Variants in P2RX7 observed in about 807,000 individuals in gnomAD.
P2RX7 encodes purinergic receptor P2X 7, also known as P2X purinoceptor 7.
Under a neutral mutation model 71.6 loss-of-function variants are expected in P2RX7, and 62 were observed. The observed-to-expected ratio is 0.87, with a 90% CI of 0.71 to 1.07. P2RX7 has a LOEUF of 1.07. Among genes scored for constraint, P2RX7 ranks in the 50% least tolerant of loss-of-function variants. The probability of loss-of-function intolerance (pLI) is 0.00; values close to 1 mark genes in which losing one functional copy is unlikely to be tolerated. For missense variants in P2RX7, 686 were observed against 748.5 expected, an observed-to-expected ratio of 0.92 and a Z score of 0.97; for synonymous variants, 299 against 283.3, an observed-to-expected ratio of 1.06 and a Z score of -0.56.
chr12:121,162,507 G>T lies in P2RX7; in HGVS notation c.520G>T (p.Glu174Ter). 6.2e-7 allele frequency: 1 copy of T among 1,613,170 alleles called. No individual in the cohort carries two copies. The highest frequency in any genetic ancestry group is 8.5e-7 in the Non-Finnish European group (1 of 1,180,006). Residue 174 changes from glutamate (E) to a stop codon, truncating the protein, a stop_gained, in exon 5 of 13, where the codon GAA becomes TAA. Coordinates refer to ENST00000328963, the MANE Select transcript of P2RX7 (RefSeq NM_002562.6). LOFTEE classifies it high-confidence loss of function. ...VSAWCPIEAVEEAPRPALLNS... is the reference protein window; with the variant it reads ...VSAWCPIEAV ...TGCCTGGTGCCCCATCGAGGCAGTG[G>T]AAGAGGCCCCCCGGTGAGTCGCATG...
At position 121,132,995 on chromosome 12, in the gene P2RX7, G is replaced by A. The variant is rs1461010590; in HGVS notation, c.25G>A (p.Asp9Asn). The change falls in exon 1 of 13, where the codon GAT becomes AAT. Residue 9 changes from aspartate to asparagine, a missense_variant. Physicochemically the swap from Asp to Asn is conservative, Grantham distance 23 (BLOSUM62 1). Transcript: ENST00000328963. MPACCSCS[D>N]VFQYETNKVT... ...CATGCCGGCCTGCTGCAGCTGCAGT[G>A]ATGTTTTCCAGTATGAGACGAACAA... 19 of 1,613,882 alleles carry A rather than the reference G, an allele frequency of 1.2e-5. No individual in the cohort carries two copies. Among genetic ancestry groups the A allele is most frequent in the Non-Finnish European group, 1.6e-5 (19 of 1,179,996 alleles).
In P2RX7 at chr12:121,186,657, G is replaced by A. The variant is rs1884922181; in HGVS notation, c.*1855G>A. 1 of 152,164 alleles carries A rather than the reference G, an allele frequency of 6.6e-6. No individual in the cohort carries two copies. The highest frequency in any genetic ancestry group is 6.6e-5 in the Admixed American group (1 of 15,252). 9.4% of individuals were successfully genotyped at this position (152,164 alleles called of 1,614,324 possible). On this transcript the variant is annotated 3_prime_UTR_variant, in exon 13 of 13. Coordinates refer to ENST00000328963, the MANE Select transcript of P2RX7 (RefSeq NM_002562.6). ...GGCTGAGGCGGGTGGATCACCTGAGGTCAGGAGTTCGAGACCAGCCTGGCC... is the reference window on the plus strand; with the variant it reads ...GGCTGAGGCGGGTGGATCACCTGAGATCAGGAGTTCGAGACCAGCCTGGCC...
chr12:121,163,712 C>T (rs1880397939), intron 5 of P2RX7, among the ~76,000 whole-genome samples: 1 of 152,170 alleles, frequency 6.6e-6, no homozygotes, highest in South Asian at 2.1e-4. Flanking sequence ...CCTGCCTTGG[C>T]CTCCCAAAGT....
intron 8 of P2RX7, among the ~76,000 whole-genome samples, chr12:121,174,742 G>GTT (rs746356489): frequency 7.5e-5 from 11 of 146,848 alleles, no homozygotes; most frequent in African/African-American, 2.7e-4. Context: ...ATTGCTTGAA[G>GTT]TTTTTTTTTT....
At chr12:121,173,677 G>A (rs1882588559) in intron 8 of P2RX7, among the ~76,000 whole-genome samples, 1 of 152,204 alleles carries the variant, frequency 6.6e-6, no homozygotes, top group East Asian at 1.9e-4. Flanking sequence ...CAGGACTAGG[G>A]AAACAGCTTA....
At chr12:121,172,023 G>A (rs796534878) in intron 8 of P2RX7, among the ~76,000 whole-genome samples, 59 of 151,982 alleles carry the variant, frequency 3.9e-4, no homozygotes, top group African/African-American at 1.2e-3. Flanking sequence ...CACCACACCC[G>A]GCTAATTTTT....
chr12:121,171,635 T>C (rs904873289), intron 8 of P2RX7, among the ~76,000 whole-genome samples: 5 of 151,952 alleles, frequency 3.3e-5, no homozygotes, highest in African/African-American at 1.2e-4. Flanking sequence ...CTTGAACATA[T>C]CTTATTTGGG....
rs991516796 is a variant in P2RX7 at position 121,154,600 on chromosome 12, C to T, written c.126-185C>T. Among the ~76,000 whole-genome samples the T allele has an allele frequency of 1.1e-4, 16 of 152,176 alleles. No homozygotes were observed. Among genetic ancestry groups the T allele is most frequent in the Admixed American group, 1.3e-4 (2 of 15,272 alleles). The stretch of plus-strand genomic sequence containing the variant: ...AGTCTGCAGACGTCTCTCATTTCAT[C>T]CTCACAATCCATGAGGCAGGTATGA... On this transcript the variant is annotated intron_variant, in intron 1 of 12. Transcript: ENST00000328963. The surrounding 1 kb of genome is among the most constrained non-coding windows in gnomAD (Gnocchi z 4.2).
Position 121,154,939 on chromosome 12 carries a change from A to T in P2RX7, c.280A>T (p.Thr94Ser). Residue 94 changes from threonine to serine, a missense_variant, in exon 2 of 13, where the codon ACC becomes TCC. By Grantham distance (58) the Thr-to-Ser change is moderately conservative. Coordinates refer to ENST00000328963, the MANE Select transcript of P2RX7 (RefSeq NM_002562.6). This position sits in a 1 kb window ranked among gnomAD's most constrained non-coding sequence, Gnocchi z 4.2. ...CAGTGTCTTTGACACCGCAGACTAC[A>T]CCTTCCCTTTGCAGGTGAGCACCTC... ...VHSVFDTADYTFPLQGNSFFV... is the reference protein window; with the variant it reads ...VHSVFDTADYSFPLQGNSFFV... 2 of 1,614,110 alleles carry T rather than the reference A, an allele frequency of 1.2e-6. No homozygotes were observed. The highest frequency in any genetic ancestry group is 3.3e-5 in the Admixed American group (2 of 60,018).
At chr12:121,176,270 C>CACACACACACACACA (rs1883104311) in intron 9 of P2RX7, among the ~76,000 whole-genome samples, 2 of 142,008 alleles carry the variant, frequency 1.4e-5, no homozygotes, top group South Asian at 2.3e-4. Flanking sequence ...CACACACACA[C>CACACACACACACACA]TACATGGACT....
chr12:121,170,232 T>C (rs1481715300), intron 8 of P2RX7, among the ~76,000 whole-genome samples: 2 of 152,164 alleles, frequency 1.3e-5, no homozygotes, highest in Non-Finnish European at 2.9e-5. Flanking sequence ...ACAGGATGAA[T>C]GGTCCCCTGA....
In P2RX7 at chr12:121,177,292, C is replaced by T; in HGVS notation, c.1039-5C>T. 6.2e-7 allele frequency: 1 copy of T among 1,614,068 alleles called. No individual in the cohort carries two copies. Among genetic ancestry groups the T allele is most frequent in the Non-Finnish European group, 8.5e-7 (1 of 1,180,016 alleles). Reference sequence around the variant, plus strand: ...TAACGCAGCGCTTGTCTGCATTCTCCCCAGGCCGCTGTGTTCATCGACTTC... The same window carrying T: ...TAACGCAGCGCTTGTCTGCATTCTCTCCAGGCCGCTGTGTTCATCGACTTC... On this transcript the variant is annotated splice_polypyrimidine_tract_variant and splice_region_variant and intron_variant, in intron 10 of 12. Coordinates refer to ENST00000328963, the MANE Select transcript of P2RX7 (RefSeq NM_002562.6).
chr12:121,163,944 G>T (rs1880460793), intron 5 of P2RX7, among the ~76,000 whole-genome samples: 1 of 152,052 alleles, frequency 6.6e-6, no homozygotes, highest in Non-Finnish European at 1.5e-5. Context: ...GATGGGGGGT[G>T]CGCTCAGCAG....
intron 1 of P2RX7, among the ~76,000 whole-genome samples, chr12:121,147,216 G>T (rs1219830612): frequency 1.3e-5 from 2 of 152,232 alleles, no homozygotes; most frequent in African/African-American, 4.8e-5. Flanking sequence ...AGCTGGTGCT[G>T]CTATTTACCA....
Position 121,154,728 on chromosome 12 carries a change from C to A in P2RX7, c.126-57C>A. 1 of 1,156,576 alleles carries A rather than the reference C, an allele frequency of 8.6e-7. No individual in the cohort carries two copies. The highest frequency in any genetic ancestry group is 1.3e-6 in the Non-Finnish European group (1 of 762,088). The allele number at this position is 1,156,576 out of a possible 1,614,324, so 71.6% of individuals were successfully genotyped here. ...AAGTGCCTGCATCCTCCAACGCCTG[C>A]ATCCCAACCCGCTGTGCTATGCCTC... On this transcript the variant is annotated intron_variant, in intron 1 of 12. Coordinates refer to ENST00000328963, the MANE Select transcript of P2RX7 (RefSeq NM_002562.6). This position sits in a 1 kb window ranked among gnomAD's most constrained non-coding sequence, Gnocchi z 4.2.
At position 121,132,960 on chromosome 12, in the gene P2RX7, A is replaced by G; in HGVS notation, c.-11A>G. 6.2e-7 allele frequency: 1 copy of G among 1,613,082 alleles called. No homozygotes were observed. On this transcript the variant is annotated 5_prime_UTR_variant, in exon 1 of 13. Transcript: ENST00000328963. ...CTGGTCCAGCTCCGCGCAGGGAGGG[A>G]GGCTGTCACCATGCCGGCCTGCTGC...
At chr12:121,171,550 G>T (rs1268342716) in intron 8 of P2RX7, among the ~76,000 whole-genome samples, 1 of 151,942 alleles carries the variant, frequency 6.6e-6, no homozygotes, top group Non-Finnish European at 1.5e-5. Flanking sequence ...CTCATCTTGA[G>T]ATGTTTAACT....
chr12:121,145,343 C>G lies in P2RX7; in HGVS notation c.126-9442C>G, dbSNP rs796167655. Among the ~76,000 whole-genome samples the G allele has an allele frequency of 6.3e-4, 96 of 152,136 alleles. 1 individual carries two copies. The highest frequency in any genetic ancestry group is 2.0e-3 in the African/African-American group (85 of 41,524). ...GCTGAGAGTTCCAGGAAGGTCAGGT[C>G]CATGGTGTATCTATTGGATTTAGTG... On this transcript the variant is annotated intron_variant, in intron 1 of 12. Transcript: ENST00000328963.
intron 5 of P2RX7, among the ~76,000 whole-genome samples, chr12:121,163,575 TAGATAATAGATAGATAGAC>T (rs1880292284): frequency 1.0e-5 from 1 of 97,618 alleles, no homozygotes. Context: ...GATAGATAAA[TAGATAATAGATAGATAGAC>T]AGGTAGATAG....
Sources: allele counts gnomAD v4.1 joint callset (sites outside exome capture counted in the v4.1 genomes callset), GRCh38; gene constraint gnomAD v4.1.1; non-coding constraint Gnocchi (gnomAD v3.1); transcripts MANE v1.5; gene names NCBI Gene and HGNC (gene_info 2026-07-23, HGNC 2026-07-21).